Variants in PLCB4 observed in about 807,000 individuals in gnomAD.
PLCB4 encodes the protein 1-phosphatidylinositol 4,5-bisphosphate phosphodiesterase beta-4.
A neutral mutation model predicts 178.8 loss-of-function variants in PLCB4; 77 were observed. That is an observed-to-expected ratio of 0.43 (90% CI 0.36 to 0.52). PLCB4 has a LOEUF of 0.52. Ranked by LOEUF, PLCB4 falls within the 20% of genes least tolerant of loss-of-function variation. The probability of loss-of-function intolerance (pLI) is 0.00; values close to 1 mark genes in which losing one functional copy is unlikely to be tolerated. For synonymous variants in PLCB4, 496 were observed against 490.8 expected, an observed-to-expected ratio of 1.01 and a Z score of -0.14; for missense variants, 1,024 against 1,453.4, an observed-to-expected ratio of 0.70 and a Z score of 4.80.
chr20:9,082,106 A>G (rs886145623), intron 1 of PLCB4, among the ~76,000 whole-genome samples: 6 of 93,090 alleles, frequency 6.4e-5, no homozygotes, highest in Non-Finnish European at 9.9e-5. Context: ...ATAACCTGGA[A>G]TTAGAAAAAA....
intron 7 of PLCB4, among the ~76,000 whole-genome samples, chr20:9,360,031 G>A (rs866561346): frequency 6.6e-6 from 1 of 152,162 alleles, no homozygotes. Context: ...TTACCATGTC[G>A]TGAGGAGAGA....
intron 2 of PLCB4, among the ~76,000 whole-genome samples, chr20:9,119,990 C>T (rs900051176): frequency 1.3e-5 from 2 of 152,174 alleles, no homozygotes; most frequent in Admixed American, 6.5e-5. Flanking sequence ...TGATACCAGC[C>T]GGTCGGACAC....
intron 2 of PLCB4, among the ~76,000 whole-genome samples, chr20:9,150,750 C>A (rs757625668): frequency 6.6e-6 from 1 of 152,138 alleles, no homozygotes; most frequent in Non-Finnish European, 1.5e-5. Context: ...AGATTCACTG[C>A]GAGCCTAGGC....
chr20:9,218,352 A>C (rs1419285943), intron 3 of PLCB4, among the ~76,000 whole-genome samples: 4 of 152,116 alleles, frequency 2.6e-5, no homozygotes, highest in African/African-American at 9.7e-5. Context: ...TGATCTGCCC[A>C]CCTCGGCCTC....
intron 2 of PLCB4, among the ~76,000 whole-genome samples, chr20:9,153,816 G>T (rs2092734488): frequency 6.6e-6 from 1 of 152,136 alleles, no homozygotes; most frequent in East Asian, 1.9e-4. Context: ...TCTTCATCAG[G>T]AAATGATTAT....
chr20:9,216,699 C>T (rs539595891), intron 2 of PLCB4, among the ~76,000 whole-genome samples: 20 of 152,222 alleles, frequency 1.3e-4, no homozygotes, highest in African/African-American at 3.6e-4. Flanking sequence ...TGGGGCTTCA[C>T]CATGTTGGCC....
intron 4 of PLCB4, among the ~76,000 whole-genome samples, chr20:9,314,746 C>A (rs1018938924): frequency 1.3e-5 from 2 of 152,090 alleles, no homozygotes; most frequent in Admixed American, 1.3e-4. Flanking sequence ...TCTCAGTCCT[C>A]TTCTCTCAGG....
Position 9,365,528 on chromosome 20 carries a change from CCTAT to C in PLCB4, c.503+17_503+20del. 6.4e-7 allele frequency: 1 copy of C among 1,553,408 alleles called. No homozygotes were observed. Among genetic ancestry groups the C allele is most frequent in the Admixed American group, 1.7e-5 (1 of 59,538 alleles). Reference sequence around the variant, plus strand: ...TCCAGTTAGGAGGTAAGTAATCATTCCTATCTGCTGTCCGTGTCCCGGGTCAACG... The same window carrying C: ...TCCAGTTAGGAGGTAAGTAATCATTCCTGCTGTCCGTGTCCCGGGTCAACG... On this transcript the variant is annotated intron_variant, in intron 9 of 39. Transcript: ENST00000378473.
chr20:9,351,324 A>C (rs556630311), intron 7 of PLCB4, among the ~76,000 whole-genome samples: 2 of 152,256 alleles, frequency 1.3e-5, no homozygotes, highest in Non-Finnish European at 2.9e-5. Flanking sequence ...GATCTCAGCA[A>C]GGAAGAAAGC....
At chr20:9,070,737 A>T (rs1418652983) in intron 1 of PLCB4, among the ~76,000 whole-genome samples, 1 of 152,168 alleles carries the variant, frequency 6.6e-6, no homozygotes, top group African/African-American at 2.4e-5. Context: ...TTTGAATGTG[A>T]CGTATTATAA....
At chr20:9,107,760 AC>A (rs1250199910) in intron 2 of PLCB4, among the ~76,000 whole-genome samples, 1 of 152,108 alleles carries the variant, frequency 6.6e-6, no homozygotes, top group Non-Finnish European at 1.5e-5. Context: ...CTGGGATGTT[AC>A]TTTTGAGAAG....
chr20:9,457,564 T>C (rs1446737228), intron 34 of PLCB4, 75 bp downstream of exon 34: 9 of 790,112 alleles, frequency 1.1e-5, no homozygotes, highest in Non-Finnish European at 2.1e-5. Context: ...GTACCTAGTG[T>C]AAATTAGAAA....
chr20:9,463,281 A>G (rs2043525487), intron 35 of PLCB4, among the ~76,000 whole-genome samples: 1 of 152,330 alleles, frequency 6.6e-6, no homozygotes, highest in Non-Finnish European at 1.5e-5. Context: ...AAACATGGAA[A>G]GAAACAACCG....
intron 2 of PLCB4, among the ~76,000 whole-genome samples, chr20:9,188,512 A>C (rs1350599639): frequency 2.2e-5 from 3 of 138,816 alleles, no homozygotes; most frequent in Non-Finnish European, 4.6e-5. Context: ...TTCATTGTGG[A>C]GGGCTGTCAT....
At chr20:9,467,699 A>G (rs111497869) in intron 35 of PLCB4, among the ~76,000 whole-genome samples, 2 of 152,284 alleles carry the variant, frequency 1.3e-5, no homozygotes, top group African/African-American at 4.8e-5. Flanking sequence ...GTTTCTATAC[A>G]TGTTCCTGCT....
At chr20:9,411,893 T>C (rs1262577635) in intron 25 of PLCB4, among the ~76,000 whole-genome samples, 1 of 152,216 alleles carries the variant, frequency 6.6e-6, no homozygotes, top group African/African-American at 2.4e-5. Flanking sequence ...TTCTTCATGG[T>C]GGCTCACCTG....
At chr20:9,075,202 C>G (rs1173215947) in intron 1 of PLCB4, among the ~76,000 whole-genome samples, 3 of 152,022 alleles carry the variant, frequency 2.0e-5, no homozygotes, top group Non-Finnish European at 4.4e-5. Flanking sequence ...AGGCTGACAT[C>G]AGAACTCCAA....
intron 32 of PLCB4, among the ~76,000 whole-genome samples, chr20:9,447,802 C>T (rs1024024774): frequency 6.6e-6 from 1 of 152,218 alleles, no homozygotes; most frequent in Non-Finnish European, 1.5e-5. Flanking sequence ...AACCACTATA[C>T]TCAGCTGCCT....
intron 2 of PLCB4, among the ~76,000 whole-genome samples, chr20:9,159,877 C>T (rs113287494): frequency 1.2e-3 from 177 of 152,230 alleles, no homozygotes; most frequent in African/African-American, 3.9e-3. Context: ...CTGTGGCTTG[C>T]ATGGATGGTG....
Sources: gnomAD v4.1 joint callset for allele counts (sites outside exome capture counted in the v4.1 genomes callset) on GRCh38, gnomAD v4.1.1 for gene constraint, MANE v1.5 for transcripts, NCBI Gene and HGNC (gene_info 2026-07-23, HGNC 2026-07-21) for gene names.